Variants in NTN1 observed in about 807,000 individuals in gnomAD.
The protein encoded by NTN1 is netrin-1.
In NTN1, 11 loss-of-function variants were observed where a neutral mutation model predicts 54.2. That is an observed-to-expected ratio of 0.20 (90% CI 0.13 to 0.34). The LOEUF (loss-of-function observed/expected upper bound fraction) is 0.34, where lower values mean the gene tolerates loss of function less well. Among genes scored for constraint, NTN1 ranks in the 10% least tolerant of loss-of-function variants. NTN1 has a pLI of 1.00. For synonymous variants in NTN1, 371 were observed against 382.0 expected, an observed-to-expected ratio of 0.97 and a Z score of 0.33; for missense variants, 740 against 893.1, an observed-to-expected ratio of 0.83 and a Z score of 2.18.
At chr17:9,119,595 C>T (rs1036178036) in intron 2 of NTN1, among the ~76,000 whole-genome samples, 1 of 133,926 alleles carries the variant, frequency 7.5e-6, no homozygotes, top group East Asian at 1.9e-4. Flanking sequence ...AACTCCTGGG[C>T]GTAAATGATC....
intron 2 of NTN1, among the ~76,000 whole-genome samples, chr17:9,089,480 T>A (rs7215246): frequency 0.84 from 127,572 of 152,056 alleles, 54,055 homozygotes; most frequent in East Asian, 1. Context: ...TTATACCTTG[T>A]TAAACACATT....
chr17:9,030,259 C>T lies in NTN1; in HGVS notation c.1018+6868C>T, dbSNP rs575432044. 2.0e-5 allele frequency among the ~76,000 whole-genome samples: 3 copies of T among 152,208 alleles called. 1 individual carries two copies. The highest frequency in any genetic ancestry group is 1.9e-4 in the East Asian group (1 of 5,180). Reference sequence around the variant, plus strand: ...TCAGAGCACAAAGGAAGATACTCTCCGAGGAGAAAGGGGTACCTATGGTTC... The same window carrying T: ...TCAGAGCACAAAGGAAGATACTCTCTGAGGAGAAAGGGGTACCTATGGTTC... On this transcript the variant is annotated intron_variant, in intron 2 of 6. Coordinates refer to ENST00000173229, the MANE Select transcript of NTN1 (RefSeq NM_004822.3).
intron 3 of NTN1, among the ~76,000 whole-genome samples, chr17:9,167,235 C>CT (rs1309071033): frequency 2.0e-5 from 3 of 152,156 alleles, no homozygotes; most frequent in African/African-American, 7.2e-5. Context: ...GAATGATACT[C>CT]GTCTTGGAGT....
intron 2 of NTN1, among the ~76,000 whole-genome samples, chr17:9,085,413 T>C (rs1170534830): frequency 6.6e-6 from 1 of 152,186 alleles, no homozygotes; most frequent in Non-Finnish European, 1.5e-5. Flanking sequence ...TCATTTCCAC[T>C]CATATTCCAT....
chr17:9,008,152 C>T, the NTN1 span, among the ~76,000 whole-genome samples: 1 of 151,786 alleles, frequency 6.6e-6, no homozygotes, highest in African/African-American at 2.4e-5. Flanking sequence ...ATTAACAATA[C>T]ATTATTGATG....
intron 6 of NTN1, among the ~76,000 whole-genome samples, chr17:9,235,323 C>T (rs1013689601): frequency 5.9e-5 from 9 of 152,294 alleles, no homozygotes; most frequent in African/African-American, 2.2e-4. Flanking sequence ...CTGACCTCAC[C>T]GTCTGCCTTT....
chr17:9,219,513 G>A lies in NTN1; in HGVS notation c.1412-1655G>A, dbSNP rs2142354462. On this transcript the variant is annotated intron_variant, in intron 5 of 6. Coordinates refer to ENST00000173229, the MANE Select transcript of NTN1 (RefSeq NM_004822.3). This position sits in a 1 kb window ranked among gnomAD's most constrained non-coding sequence, Gnocchi z 4.5. ...AGTCTGGCACAGGAAGCGGTGGGAG[G>A]CTACCACACCCATGGCCCCCAAGGT... 6.6e-6 allele frequency among the ~76,000 whole-genome samples: 1 copy of A among 152,272 alleles called. No homozygotes were observed. The highest frequency in any genetic ancestry group is 1.5e-5 in the Non-Finnish European group (1 of 68,026).
At chr17:9,191,306 C>A (rs1172374565) in intron 5 of NTN1, among the ~76,000 whole-genome samples, 1 of 152,050 alleles carries the variant, frequency 6.6e-6, no homozygotes, top group Non-Finnish European at 1.5e-5. Flanking sequence ...ACTAAAAATA[C>A]AAAATTAGCT....
At chr17:9,173,627 T>G (rs1200074058) in intron 3 of NTN1, 1 of 152,356 alleles carries the variant, frequency 6.6e-6, no homozygotes, top group Admixed American at 6.5e-5. Context: ...CTATGCAGAC[T>G]GATACTACTC....
intron 2 of NTN1, among the ~76,000 whole-genome samples, chr17:9,051,077 G>C (rs1413974749): frequency 6.6e-6 from 1 of 152,202 alleles, no homozygotes; most frequent in Non-Finnish European, 1.5e-5. Context: ...GAGATGGGAG[G>C]TGGCTCTGGC....
intron 5 of NTN1, among the ~76,000 whole-genome samples, chr17:9,185,352 G>A (rs974574881): frequency 1.3e-5 from 2 of 152,170 alleles, no homozygotes; most frequent in African/African-American, 2.4e-5. Context: ...CACTCTTGCC[G>A]TGTTTGAATA....
chr17:9,074,334 G>A (rs1597478331), intron 2 of NTN1, among the ~76,000 whole-genome samples: 1 of 152,232 alleles, frequency 6.6e-6, no homozygotes, highest in African/African-American at 2.4e-5. Flanking sequence ...GGGTCACTGA[G>A]CGTCTCTCTG....
At chr17:9,042,408 A>T (rs1280712937) in intron 2 of NTN1, among the ~76,000 whole-genome samples, 2 of 151,436 alleles carry the variant, frequency 1.3e-5, no homozygotes. Context: ...TGCACGAGCG[A>T]GGGGTTTGAG....
Position 9,023,358 on chromosome 17 carries a change from C to A in NTN1, c.985C>A (p.Arg329Ser). ...KPFHYDRPWQ[R>S]ATAREANECV... ...CTTCCACTACGACCGGCCCTGGCAGCGCGCCACAGCCCGCGAAGCCAACGA... is the reference window on the plus strand; with the variant it reads ...CTTCCACTACGACCGGCCCTGGCAGAGCGCCACAGCCCGCGAAGCCAACGA... Residue 329 changes from arginine to serine, a missense_variant, in exon 2 of 7, where the codon CGC (arginine) becomes AGC (serine). Coordinates refer to ENST00000173229, the MANE Select transcript of NTN1 (RefSeq NM_004822.3). 4.7e-6 allele frequency: 7 copies of A among 1,486,802 alleles called. No individual in the cohort carries two copies. The highest frequency in any genetic ancestry group is 5.4e-6 in the Non-Finnish European group (6 of 1,118,220). The allele number at this position is 1,486,802 out of a possible 1,614,324, so 92.1% of individuals were successfully genotyped here. A position where few individuals can be genotyped will look rare whatever the true frequency, so the allele number is the denominator to read the frequency against.
chr17:9,038,047 G>T (rs777986258), intron 2 of NTN1, among the ~76,000 whole-genome samples: 1 of 152,114 alleles, frequency 6.6e-6, no homozygotes, highest in Non-Finnish European at 1.5e-5. Flanking sequence ...ACAGCTTATA[G>T]CCCTGGTACA....
intron 5 of NTN1, among the ~76,000 whole-genome samples, chr17:9,201,094 C>T (rs189787628): frequency 6.6e-6 from 1 of 152,276 alleles, no homozygotes; most frequent in Admixed American, 6.5e-5. Context: ...GTTCCTCTAG[C>T]AAAAACTCTA....
intron 5 of NTN1, among the ~76,000 whole-genome samples, chr17:9,196,242 G>A (rs888128160): frequency 6.6e-6 from 1 of 152,198 alleles, no homozygotes; most frequent in Non-Finnish European, 1.5e-5. Flanking sequence ...TGAAGAAATT[G>A]TGGGGAATTT....
At chr17:9,227,388 C>CACT (rs10624631) in intron 6 of NTN1, among the ~76,000 whole-genome samples, 1 of 149,950 alleles carries the variant, frequency 6.7e-6, no homozygotes, top group Non-Finnish European at 1.5e-5. Flanking sequence ...ACACCACACA[C>CACT]TATCACACAG....
intron 2 of NTN1, among the ~76,000 whole-genome samples, chr17:9,090,847 C>G (rs1012783935): frequency 6.6e-6 from 1 of 152,126 alleles, no homozygotes; most frequent in African/African-American, 2.4e-5. Context: ...AGGGTGGGTG[C>G]CCATCTAAGG....
Sources: gnomAD v4.1 joint callset for allele counts (sites outside exome capture counted in the v4.1 genomes callset) on GRCh38, gnomAD v4.1.1 for gene constraint, Gnocchi (gnomAD v3.1) non-coding constraint, MANE v1.5 for transcripts, NCBI Gene and HGNC (gene_info 2026-07-23, HGNC 2026-07-21) for gene names.